The following GPC6 variants were observed in gnomAD, a reference collection of about 807,000 sequenced individuals.
The protein encoded by GPC6 is glypican-6.
Under a neutral mutation model 55.2 loss-of-function variants are expected in GPC6, and 14 were observed. The observed-to-expected ratio is 0.25, with a 90% CI of 0.17 to 0.40. The LOEUF (loss-of-function observed/expected upper bound fraction) is 0.40. Ranked by LOEUF, GPC6 falls within the 10% of genes least tolerant of loss-of-function variation. The pLI, the probability that GPC6 is intolerant of heterozygous loss-of-function variation, is 1.00. For synonymous variants in GPC6, 278 were observed against 259.6 expected (o/e 1.07, Z -0.68); for missense variants, 641 against 708.5 (o/e 0.90, Z 1.08).
At chr13:94,363,713 G>A (rs567676992) in intron 6 of GPC6, among the ~76,000 whole-genome samples, 1 of 152,236 alleles carries the variant, frequency 6.6e-6, no homozygotes, top group African/African-American at 2.4e-5. Context: ...CATGGCTATT[G>A]ACCACTAGGG....
intron 2 of GPC6, among the ~76,000 whole-genome samples, chr13:93,755,803 G>A (rs1318109484): frequency 6.6e-6 from 1 of 152,102 alleles, no homozygotes; most frequent in African/African-American, 2.4e-5. Flanking sequence ...CATAAAAATA[G>A]AGTCTATGAC....
At chr13:93,326,540 G>A (rs1879663084) in intron 1 of GPC6, among the ~76,000 whole-genome samples, 1 of 152,140 alleles carries the variant, frequency 6.6e-6, no homozygotes, top group South Asian at 2.1e-4. Flanking sequence ...ACAGATTGGG[G>A]AGTAGCTGCA....
intron 3 of GPC6, among the ~76,000 whole-genome samples, chr13:93,913,850 T>A (rs1463579636): frequency 1.3e-5 from 2 of 152,112 alleles, no homozygotes; most frequent in African/African-American, 4.8e-5. Flanking sequence ...CCCTGCCCCA[T>A]CCTCCCAGGT....
rs905014383 is a variant in GPC6, at chr13:94,405,114, G to C, written c.*1897G>C. 3.3e-5 allele frequency: 5 copies of C among 152,194 alleles called. No individual in the cohort carries two copies. Among genetic ancestry groups the C allele is most frequent in the Admixed American group, 1.3e-4 (2 of 15,280 alleles). The allele number at this position is 152,194 out of a possible 1,614,324, so 9.4% of individuals were successfully genotyped here. ...TAAGTAGAACACATGTGGCACAATA[G>C]TATTAAGTATATTTGAGCACTTTTG... On this transcript the variant is annotated 3_prime_UTR_variant, in exon 9 of 9. Transcript: ENST00000377047.
chr13:93,218,604 T>G, the GPC6 span, among the ~76,000 whole-genome samples: 1 of 152,242 alleles, frequency 6.6e-6, no homozygotes, highest in Non-Finnish European at 1.5e-5. Flanking sequence ...ATGTTTGTGA[T>G]CATTTTAAGG....
rs926881043 is a variant in GPC6, at chr13:93,728,776, A to C, written c.320-101378A>C. Among the ~76,000 whole-genome samples, 4 of 152,060 alleles carry C rather than the reference A, an allele frequency of 2.6e-5. 1 individual carries two copies. Among genetic ancestry groups the C allele is most frequent in the African/African-American group, 9.7e-5 (4 of 41,394 alleles). ...GAGACAGCATTTCACCATTTTGGCC[A>C]GGCTGGTTTCGAACTCCTGACCTCA... is the stretch of plus-strand genomic sequence containing the variant. On this transcript the variant is annotated intron_variant, in intron 2 of 8. Coordinates refer to ENST00000377047, the MANE Select transcript of GPC6 (RefSeq NM_005708.5).
At chr13:94,214,034 G>A (rs773836834) in intron 4 of GPC6, among the ~76,000 whole-genome samples, 2 of 152,174 alleles carry the variant, frequency 1.3e-5, no homozygotes, top group Non-Finnish European at 1.5e-5. Context: ...ACAAATATCT[G>A]TGATTAGAAA....
intron 1 of GPC6, among the ~76,000 whole-genome samples, chr13:93,507,115 C>T (rs1484698500): frequency 7.4e-6 from 1 of 135,432 alleles, no homozygotes; most frequent in East Asian, 2.4e-4. Flanking sequence ...CACACTCAGA[C>T]AAGGACTGGT....
At chr13:93,948,463 A>G (rs541969794) in intron 3 of GPC6, among the ~76,000 whole-genome samples, 2 of 152,318 alleles carry the variant, frequency 1.3e-5, no homozygotes, top group East Asian at 3.9e-4. Context: ...ATGTTTCACT[A>G]TAAATTCATG....
rs886050357 is a variant in GPC6 at position 94,405,017 on chromosome 13, T to G, written c.*1800T>G. On this transcript the variant is annotated 3_prime_UTR_variant, in exon 9 of 9. Transcript: ENST00000377047. ...ATTTTAATTAACTCATCGACAGTAT[T>G]GACACGTAAATGGTATTTTTCAATC... 3.3e-5 allele frequency: 5 copies of G among 152,236 alleles called. No individual in the cohort carries two copies. The highest frequency in any genetic ancestry group is 5.9e-5 in the Non-Finnish European group (4 of 68,038). The allele number at this position is 152,236 out of a possible 1,614,324, so 9.4% of individuals were successfully genotyped here.
At chr13:93,802,118 G>GT (rs1388086647) in intron 2 of GPC6, among the ~76,000 whole-genome samples, 3 of 152,030 alleles carry the variant, frequency 2.0e-5, no homozygotes, top group Non-Finnish European at 4.4e-5. Flanking sequence ...TATGACAGTT[G>GT]TTTTTTCACT....
At chr13:94,059,950 A>G (rs976214568) in intron 4 of GPC6, among the ~76,000 whole-genome samples, 2 of 152,052 alleles carry the variant, frequency 1.3e-5, no homozygotes, top group Non-Finnish European at 2.9e-5. Context: ...CCCAGCTGCT[A>G]AAGATCTGCC....
intron 2 of GPC6, among the ~76,000 whole-genome samples, chr13:93,710,480 A>G (rs1336119747): frequency 6.6e-6 from 1 of 151,808 alleles, no homozygotes; most frequent in Non-Finnish European, 1.5e-5. Flanking sequence ...CTTGTGATGT[A>G]CACAGAAACC....
intron 4 of GPC6, among the ~76,000 whole-genome samples, chr13:94,034,202 A>AAAGAAGGAAGGAAGGAAGGAAGGG (rs1594682935): frequency 9.2e-6 from 1 of 108,184 alleles, no homozygotes; most frequent in East Asian, 3.1e-4. Flanking sequence ...AGAAAGAAAG[A>AAAGAAGGAAGGAAGGAAGGAAGGG]AGGAAGGAAG....
chr13:93,734,270 T>C (rs546329898), intron 2 of GPC6, among the ~76,000 whole-genome samples: 9 of 152,308 alleles, frequency 5.9e-5, no homozygotes, highest in African/African-American at 2.2e-4. Flanking sequence ...TGTACTACTT[T>C]TGTTGGTAAT....
intron 1 of GPC6, among the ~76,000 whole-genome samples, chr13:93,349,503 T>A (rs1880553110): frequency 6.6e-6 from 1 of 152,136 alleles, no homozygotes; most frequent in Non-Finnish European, 1.5e-5. Flanking sequence ...TTTAATATAA[T>A]CTCCGTGTGA....
intron 2 of GPC6, among the ~76,000 whole-genome samples, chr13:93,731,119 C>T (rs1012204717): frequency 5.3e-5 from 8 of 152,002 alleles, no homozygotes; most frequent in African/African-American, 1.7e-4. Context: ...AAAAGGTTAC[C>T]GAAGATTGTA....
At position 93,246,789 on chromosome 13, in the gene GPC6, C is replaced by CAA. The variant is rs767827311; in HGVS notation, c.160+19200_160+19201dup. On this transcript the variant is annotated intron_variant, in intron 1 of 8. Coordinates refer to ENST00000377047, the MANE Select transcript of GPC6 (RefSeq NM_005708.5). Reference sequence around the variant, plus strand: ...CCTGGGCGGCAGAGCAAGACTGTCTCAAAAAAAAAAAAAAAAAAAAAAAAA... The same window carrying CAA: ...CCTGGGCGGCAGAGCAAGACTGTCTCAAAAAAAAAAAAAAAAAAAAAAAAAAA... 5.3e-3 allele frequency among the ~76,000 whole-genome samples: 217 copies of CAA among 40,856 alleles called. 21 individuals carry two copies. The highest frequency in any genetic ancestry group is 0.014 in the African/African-American group (141 of 9,930). 26.8% of individuals were successfully genotyped at this position (40,856 alleles called of 152,430 possible).
intron 3 of GPC6, among the ~76,000 whole-genome samples, chr13:93,907,137 T>C (rs1876717301): frequency 6.6e-6 from 1 of 152,090 alleles, no homozygotes; most frequent in Admixed American, 6.6e-5. Flanking sequence ...ATGTTTGAAA[T>C]GATAAATAAG....
Sources: allele counts gnomAD v4.1 joint callset (sites outside exome capture counted in the v4.1 genomes callset), GRCh38; gene constraint gnomAD v4.1.1; transcripts MANE v1.5; gene names NCBI Gene and HGNC (gene_info 2026-07-23, HGNC 2026-07-21).